NAV2: variants seen among roughly 807,000 people sequenced by gnomAD.
NAV2 encodes helicase, APC down-regulated 1.
Under a neutral mutation model 223.2 loss-of-function variants are expected in NAV2, and 54 were observed. That is an observed-to-expected ratio of 0.24 (90% CI 0.19 to 0.30). The LOEUF (loss-of-function observed/expected upper bound fraction) is 0.30, where lower values mean the gene tolerates loss of function less well. Ranked by LOEUF, NAV2 falls within the 10% of genes least tolerant of loss-of-function variation. NAV2 has a pLI of 1.00. For missense variants in NAV2, 2,806 were observed against 3,147.5 expected (o/e 0.89, Z 2.60); for synonymous variants, 1,279 against 1,239.3 (o/e 1.03, Z -0.67).
chr11:19,455,547 A>G (rs1032973074), intron 1 of NAV2, among the ~76,000 whole-genome samples: 3 of 152,178 alleles, frequency 2.0e-5, no homozygotes, highest in African/African-American at 7.2e-5. Flanking sequence ...TACTAGATAT[A>G]ATGCCTGGCA....
intron 11 of NAV2, among the ~76,000 whole-genome samples, chr11:19,997,757 G>A (rs1211554228): frequency 6.6e-6 from 1 of 152,090 alleles, no homozygotes. Context: ...TCTCTAAAAG[G>A]GGAGGGCAGG....
At position 20,083,130 on chromosome 11, in the gene NAV2, G is replaced by A; in HGVS notation, c.5449G>A (p.Gly1817Arg). 6.2e-7 allele frequency: 1 copy of A among 1,614,030 alleles called. No homozygotes were observed. The highest frequency in any genetic ancestry group is 8.5e-7 in the Non-Finnish European group (1 of 1,179,936). The stretch of plus-strand genomic sequence containing the variant: ...TTCCTCACCAAAGTTACCGCACAAT[G>A]GGTCCACAGGTTCCACCCCACTGCT... ...LPSSPKLPHNGSTGSTPLLRN... is the reference protein window; with the variant it reads ...LPSSPKLPHNRSTGSTPLLRN... The change falls in exon 26 of 38, where the codon GGG (glycine) becomes AGG (arginine). Residue 1817 changes from glycine (G) to arginine (R), a missense_variant. Transcript: ENST00000349880.
At chr11:19,757,796 CTG>C in intron 1 of NAV2, among the ~76,000 whole-genome samples, 1 of 152,132 alleles carries the variant, frequency 6.6e-6, no homozygotes, top group Non-Finnish European at 1.5e-5. Context: ...CTAAGAGATA[CTG>C]TTATAATCTC....
rs546558232 is a variant in NAV2 at position 19,754,040 on chromosome 11, GA to G, written c.267+40079del. ...CACTGCATTTCAGAATGACATTCAA[GA>G]GTCAACAGAAATGCTTGAATTTCAA... On this transcript the variant is annotated intron_variant, in intron 1 of 37. Transcript: ENST00000349880. Among the ~76,000 whole-genome samples the G allele has an allele frequency of 4.8e-3, 729 of 152,288 alleles. 7 individuals are homozygous for G. Among genetic ancestry groups the G allele is most frequent in the African/African-American group, 0.017 (699 of 41,556 alleles).
At chr11:19,573,955 G>T (rs2045498953) in intron 1 of NAV2, among the ~76,000 whole-genome samples, 1 of 152,242 alleles carries the variant, frequency 6.6e-6, no homozygotes, top group Admixed American at 6.5e-5. Flanking sequence ...ACTGGGGATT[G>T]TCTGAAGTCT....
Position 20,103,423 on chromosome 11 carries a change from C to A in NAV2, c.6572+14C>A. The A allele has an allele frequency of 6.2e-7, 1 of 1,610,946 alleles. No individual in the cohort carries two copies. The stretch of plus-strand genomic sequence containing the variant: ...GTACCACAAATGGTAAAGGCTGGTT[C>A]TGGACCTCATAGCCCCCCGGGAGAG... On this transcript the variant is annotated intron_variant, in intron 33 of 37. Coordinates refer to ENST00000349880, the MANE Select transcript of NAV2 (RefSeq NM_145117.5).
intron 5 of NAV2, among the ~76,000 whole-genome samples, chr11:19,883,988 G>A (rs2063374327): frequency 6.6e-6 from 1 of 152,108 alleles, no homozygotes; most frequent in South Asian, 2.1e-4. Context: ...TACTTGTGAG[G>A]GACCCCATAT....
chr11:19,545,529 T>A (rs546100557), intron 1 of NAV2, among the ~76,000 whole-genome samples: 1 of 152,174 alleles, frequency 6.6e-6, no homozygotes, highest in African/African-American at 2.4e-5. Context: ...ATGGCGCAAA[T>A]GGGAGTCAGT....
At chr11:19,714,021 G>A in intron 1 of NAV2, 59 bp downstream of exon 1, 1 of 1,585,574 alleles carries the variant, frequency 6.3e-7, no homozygotes, top group Admixed American at 1.7e-5. Context: ...AGTTCTTTCG[G>A]GATGGTGTGG....
At chr11:19,834,392 GTAT>G (rs1174497362) in intron 2 of NAV2, among the ~76,000 whole-genome samples, 1 of 152,174 alleles carries the variant, frequency 6.6e-6, no homozygotes, top group Non-Finnish European at 1.5e-5. Flanking sequence ...TTGCTCTGCT[GTAT>G]TATATTACTT....
intron 17 of NAV2, among the ~76,000 whole-genome samples, chr11:20,052,944 C>A (rs1244143539): frequency 6.6e-6 from 1 of 152,062 alleles, no homozygotes; most frequent in East Asian, 1.9e-4. Context: ...AGGCCAGGTG[C>A]GGTGGCTCAT....
chr11:19,797,055 G>T (rs140385418), intron 1 of NAV2, among the ~76,000 whole-genome samples: 10 of 152,248 alleles, frequency 6.6e-5, no homozygotes, highest in Non-Finnish European at 1.2e-4. Flanking sequence ...TGGTATGAGG[G>T]GTCACTGGCC....
intron 1 of NAV2, among the ~76,000 whole-genome samples, chr11:19,377,804 A>T (rs1341887824): frequency 6.6e-6 from 1 of 152,228 alleles, no homozygotes; most frequent in Admixed American, 6.5e-5. Context: ...AGGTTCTGCC[A>T]TTCCATGAAA....
intron 11 of NAV2, among the ~76,000 whole-genome samples, chr11:20,002,327 T>C (rs1367285178): frequency 6.6e-6 from 1 of 152,084 alleles, no homozygotes; most frequent in African/African-American, 2.4e-5. Flanking sequence ...AAGAGGTGCT[T>C]TGGGGACACA....
intron 1 of NAV2, among the ~76,000 whole-genome samples, chr11:19,613,219 G>A (rs898910473): frequency 3.3e-5 from 5 of 152,122 alleles, no homozygotes; most frequent in Admixed American, 6.5e-5. Context: ...TGGAGATTTT[G>A]GTGGGGACAC....
At chr11:19,635,067 A>G (rs2047453063) in intron 1 of NAV2, among the ~76,000 whole-genome samples, 1 of 152,160 alleles carries the variant, frequency 6.6e-6, no homozygotes, top group African/African-American at 2.4e-5. Context: ...TCCTGATTTC[A>G]TTGTGTGACT....
chr11:19,458,465 GC>G (rs1211583850), intron 1 of NAV2, among the ~76,000 whole-genome samples: 4 of 152,338 alleles, frequency 2.6e-5, no homozygotes, highest in African/African-American at 9.6e-5. Context: ...TTGGGAAATT[GC>G]CCAGGACCAT....
Position 19,876,715 on chromosome 11 carries a change from T to G in NAV2, c.512-3154T>G, listed in dbSNP as rs149736682. 6.6e-4 allele frequency among the ~76,000 whole-genome samples: 100 copies of G among 152,078 alleles called. 2 individuals carry two copies. In the East Asian group the frequency reaches 0.011, roughly 16 times the overall value. ...TGGGCTGGTAGGTTATGGAGGGAGC[T>G]GATGTGAACGTGCCTACTTTTTACA... On this transcript the variant is annotated intron_variant, in intron 4 of 37. Coordinates refer to ENST00000349880, the MANE Select transcript of NAV2 (RefSeq NM_145117.5).
intron 1 of NAV2, among the ~76,000 whole-genome samples, chr11:19,793,683 G>A (rs934328225): frequency 3.4e-5 from 5 of 147,418 alleles, no homozygotes; most frequent in African/African-American, 4.9e-5. Flanking sequence ...AGATTGTGTC[G>A]TGCCCTGTTT....
Sources: allele counts gnomAD v4.1 joint callset (sites outside exome capture counted in the v4.1 genomes callset), GRCh38; gene constraint gnomAD v4.1.1; transcripts MANE v1.5; gene names NCBI Gene and HGNC (gene_info 2026-07-23, HGNC 2026-07-21).